Variants in LARP1B observed in about 807,000 individuals in gnomAD.
The protein encoded by LARP1B is La ribonucleoprotein 1B.
A neutral mutation model predicts 114.2 loss-of-function variants in LARP1B; 76 were observed. The observed-to-expected ratio is 0.67, with a 90% confidence interval of 0.55 to 0.81. The LOEUF is 0.81. LARP1B is among the 30% of genes least tolerant of loss of function. The pLI is 0.00. For missense variants in LARP1B, 1,014 were observed against 1,075.8 expected, an observed-to-expected ratio of 0.94 and a Z score of 0.80; for synonymous variants, 345 against 348.0, an observed-to-expected ratio of 0.99 and a Z score of 0.10.
intron 1 of LARP1B, among the ~76,000 whole-genome samples, chr4:128,063,427 CAAAAAAAAAAA>C (rs763868048): frequency 7.6e-4 from 10 of 13,218 alleles, no homozygotes; most frequent in Middle Eastern, 0.062. Flanking sequence ...GACCCACTCT[CAAAAAAAAAAA>C]AAAAAAAAAA....
At chr4:128,155,451 G>A (rs1170301978) in intron 11 of LARP1B, 9 of 735,310 alleles carry the variant, frequency 1.2e-5, no homozygotes, top group Non-Finnish European at 9.8e-6. Context: ...TGGCGACCCC[G>A]CGCAGCCCCC....
intron 11 of LARP1B, chr4:128,156,139 A>G: frequency 6.2e-7 from 1 of 1,611,100 alleles, no homozygotes; most frequent in Non-Finnish European, 8.5e-7. Context: ...TCATCACAAG[A>G]GTAGCAGCAG....
intron 16 of LARP1B, 59 bp downstream of exon 16, chr4:128,199,658 A>C: frequency 3.4e-6 from 3 of 882,534 alleles, no homozygotes; most frequent in Non-Finnish European, 4.6e-6. Context: ...AATTCTAAAA[A>C]ATTTAAATGT....
Position 128,211,114 on chromosome 4 carries a change from A to G in LARP1B, c.*1061A>G. 3 of 903,184 alleles carry G rather than the reference A, an allele frequency of 3.3e-6. No individual in the cohort carries two copies. The highest frequency in any genetic ancestry group is 4.0e-6 in the Non-Finnish European group (3 of 755,334). The allele number at this position is 903,184 out of a possible 1,614,324, so 55.9% of individuals were successfully genotyped here. A position where few individuals can be genotyped will look rare whatever the true frequency, so the allele number is the denominator to read the frequency against. Reference sequence around the variant, plus strand: ...GTTTCAGTTTTTGTGAGATTTAAAAAAATAAAGCACTTATTCTGAATTTTT... The same window carrying G: ...GTTTCAGTTTTTGTGAGATTTAAAAGAATAAAGCACTTATTCTGAATTTTT... On this transcript the variant is annotated 3_prime_UTR_variant, in exon 20 of 20. Coordinates refer to ENST00000326639, the MANE Select transcript of LARP1B (RefSeq NM_018078.4).
Position 128,210,115 on chromosome 4 carries a change from A to T in LARP1B, c.*62A>T. Reference sequence around the variant, plus strand: ...TGAAATGCCTGAGAAATAGACTCTTATGAAAGTTCTTTGTCCTTGAAGTCA... The same window carrying T: ...TGAAATGCCTGAGAAATAGACTCTTTTGAAAGTTCTTTGTCCTTGAAGTCA... On this transcript the variant is annotated 3_prime_UTR_variant, in exon 20 of 20. Transcript: ENST00000326639. The T allele has an allele frequency of 1.9e-6, 3 of 1,606,900 alleles. No individual in the cohort carries two copies. Among genetic ancestry groups the T allele is most frequent in the Non-Finnish European group, 2.6e-6 (3 of 1,175,124 alleles).
At chr4:128,152,564 T>A (rs1233106693) in intron 11 of LARP1B, among the ~76,000 whole-genome samples, 1 of 151,840 alleles carries the variant, frequency 6.6e-6, no homozygotes, top group Non-Finnish European at 1.5e-5. Context: ...TTTTATTTTT[T>A]ATTTTTATTT....
intron 9 of LARP1B, among the ~76,000 whole-genome samples, chr4:128,111,854 G>GT (rs1784228981): frequency 6.7e-6 from 1 of 150,054 alleles, no homozygotes; most frequent in South Asian, 2.1e-4. Context: ...GCTAATTTTT[G>GT]TATTTTTTTT....
intron 6 of LARP1B, among the ~76,000 whole-genome samples, chr4:128,219,586 A>C: frequency 8.7e-6 from 1 of 115,314 alleles, no homozygotes; most frequent in East Asian, 2.7e-4. Context: ...ATAGGTGGGA[A>C]TTGAACAATG....
intron 4 of LARP1B, among the ~76,000 whole-genome samples, chr4:128,080,937 A>C (rs1770093687): frequency 6.6e-6 from 1 of 152,160 alleles, no homozygotes; most frequent in African/African-American, 2.4e-5. Flanking sequence ...TGCAAACCTA[A>C]AGCCTAACTT....
chr4:128,220,448 T>G (rs1578857198), intron 7 of LARP1B: 2 of 581,046 alleles, frequency 3.4e-6, no homozygotes, highest in Non-Finnish European at 4.3e-6. Flanking sequence ...AAAGTGAGTA[T>G]GTGTGTGTTT....
chr4:128,170,118 A>G (rs1293854126), intron 12 of LARP1B, among the ~76,000 whole-genome samples: 1 of 151,960 alleles, frequency 6.6e-6, no homozygotes, highest in Non-Finnish European at 1.5e-5. Flanking sequence ...TTTTTCAGTT[A>G]CCCCTCTGTT....
At chr4:128,207,806 A>G (rs1757995796) in intron 19 of LARP1B, among the ~76,000 whole-genome samples, 1 of 152,372 alleles carries the variant, frequency 6.6e-6, no homozygotes, top group Admixed American at 6.5e-5. Flanking sequence ...TGTTGTGTGC[A>G]TGTGTGCAAG....
At chr4:128,104,380 A>G (rs1191922328) in intron 8 of LARP1B, among the ~76,000 whole-genome samples, 2 of 152,116 alleles carry the variant, frequency 1.3e-5, no homozygotes, top group Non-Finnish European at 2.9e-5. Context: ...GCAGTTGTTT[A>G]CTTTCTGTTT....
intron 15 of LARP1B, among the ~76,000 whole-genome samples, chr4:128,186,405 G>C (rs976981617): frequency 6.6e-6 from 1 of 152,022 alleles, no homozygotes; most frequent in African/African-American, 2.4e-5. Flanking sequence ...CTTATACCTA[G>C]ATACTTTATG....
chr4:128,122,346 C>G, intron 11 of LARP1B, 158 bp downstream of exon 11: 1 of 1,458,054 alleles, frequency 6.9e-7, no homozygotes, highest in Non-Finnish European at 9.0e-7. Flanking sequence ...CTGATAATTA[C>G]CACCTGAGGA....
At chr4:128,062,303 G>C in intron 1 of LARP1B, 1 of 983,786 alleles carries the variant, frequency 1.0e-6, no homozygotes. Context: ...CGGCGGTAGC[G>C]GGCACCAGGC....
chr4:128,170,967 A>C (rs1243017969), intron 12 of LARP1B, among the ~76,000 whole-genome samples: 1 of 148,602 alleles, frequency 6.7e-6, no homozygotes, highest in Non-Finnish European at 1.5e-5. Flanking sequence ...TGTACTATGA[A>C]TTTGGACATA....
chr4:128,141,338 C>G (rs554054629), intron 11 of LARP1B, among the ~76,000 whole-genome samples: 15 of 152,234 alleles, frequency 9.9e-5, no homozygotes, highest in African/African-American at 3.6e-4. Flanking sequence ...TCTCATGATA[C>G]CTTCCCCTAA....
chr4:128,128,571 A>G (rs1292788700), intron 11 of LARP1B, among the ~76,000 whole-genome samples: 1 of 152,194 alleles, frequency 6.6e-6, no homozygotes, highest in East Asian at 1.9e-4. Context: ...TGTATTAATT[A>G]TTATACTGAA....
Sources: allele counts gnomAD v4.1 joint callset (sites outside exome capture counted in the v4.1 genomes callset), GRCh38; gene constraint gnomAD v4.1.1; transcripts MANE v1.5; gene names NCBI Gene and HGNC (gene_info 2026-07-23, HGNC 2026-07-21).